TUT4: variants seen among roughly 807,000 people sequenced by gnomAD.
TUT4 encodes the protein terminal uridylyltransferase 4.
TUT4 carries 36 observed loss-of-function variants against 192.2 expected under a neutral mutation model. The ratio of observed to expected loss-of-function variants is 0.19; its 90% CI spans 0.14 to 0.25. The LOEUF (loss-of-function observed/expected upper bound fraction) is 0.25. TUT4 is among the 10% of genes least tolerant of loss of function. The pLI, the probability that TUT4 is intolerant of heterozygous loss-of-function variation, is 1.00. For missense variants in TUT4, 1,493 were observed against 1,957.2 expected (o/e 0.76, Z 4.47); for synonymous variants, 618 against 666.0 (o/e 0.93, Z 1.11).
intron 4 of TUT4, among the ~76,000 whole-genome samples, chr1:52,500,491 G>T (rs959398226): frequency 6.6e-6 from 1 of 152,074 alleles, no homozygotes. Context: ...GGCCAGGCAC[G>T]GTGGCTCACG....
rs1491240459 is a variant in TUT4, at chr1:52,498,901, ATT to A, written c.1000-1720_1000-1719del. Among the ~76,000 whole-genome samples the A allele has an allele frequency of 1.3e-3, 94 of 73,310 alleles. 3 individuals carry two copies. Among genetic ancestry groups the A allele is most frequent in the African/African-American group, 4.3e-3 (76 of 17,784 alleles). 48.1% of individuals were successfully genotyped at this position (73,310 alleles called of 152,430 possible). ...GACTCCATTACAAAAAAAAAAAAAA[ATT>A]ATATATATATATATATATATATATA... On this transcript the variant is annotated intron_variant, in intron 4 of 29. Transcript: ENST00000257177.
intron 4 of TUT4, among the ~76,000 whole-genome samples, chr1:52,505,991 G>C (rs1675446444): frequency 3.3e-5 from 5 of 151,294 alleles, no homozygotes; most frequent in Admixed American, 2.6e-4. Flanking sequence ...GCTAATTTTT[G>C]TATTTTTAGT....
intron 5 of TUT4, among the ~76,000 whole-genome samples, 189 bp downstream of exon 5, chr1:52,496,817 T>C (rs780284433): frequency 2.6e-5 from 4 of 152,162 alleles, no homozygotes; most frequent in Non-Finnish European, 4.4e-5. Context: ...AGTACAAAAG[T>C]GTGCTGTGCC....
intron 1 of TUT4, among the ~76,000 whole-genome samples, chr1:52,529,186 A>T (rs76111134): frequency 0.041 from 6,186 of 152,206 alleles, 425 homozygotes; most frequent in African/African-American, 0.14. Flanking sequence ...AAGTATATTT[A>T]AAAATTTTTT....
intron 20 of TUT4, among the ~76,000 whole-genome samples, chr1:52,447,082 T>G (rs1282130749): frequency 6.6e-6 from 1 of 152,208 alleles, no homozygotes; most frequent in Non-Finnish European, 1.5e-5. Context: ...AGAACTGTTT[T>G]GGGACCTAGT....
intron 1 of TUT4, among the ~76,000 whole-genome samples, chr1:52,538,274 TAAAG>T (rs1685506635): frequency 6.6e-6 from 1 of 151,938 alleles, no homozygotes; most frequent in Non-Finnish European, 1.5e-5. Flanking sequence ...AACAGATATA[TAAAG>T]ACTCTATCCA....
intron 28 of TUT4, among the ~76,000 whole-genome samples, chr1:52,425,755 A>T (rs1649679780): frequency 6.6e-6 from 1 of 152,068 alleles, no homozygotes; most frequent in African/African-American, 2.4e-5. Flanking sequence ...GAACAGGCAA[A>T]ATGTTCTGAA....
intron 3 of TUT4, among the ~76,000 whole-genome samples, chr1:52,512,690 A>C (rs759303033): frequency 6.6e-6 from 1 of 152,242 alleles, no homozygotes; most frequent in Non-Finnish European, 1.5e-5. Flanking sequence ...CAACTAGTAA[A>C]TCTTTACCTT....
rs117584444 is a variant in TUT4, at chr1:52,536,440, C to A, written c.-93-10067G>T. Among the ~76,000 whole-genome samples the A allele has an allele frequency of 2.0e-5, 3 of 152,180 alleles. No individual in the cohort carries two copies. In the East Asian group the frequency reaches 5.8e-4, roughly 29 times the overall value. On this transcript the variant is annotated intron_variant, in intron 1 of 29. Transcript: ENST00000257177. ...AAAATCAACTAAATACATAAAAAGG[C>A]AGCATTAGAGGAACAAAAGGCATAA...
intron 4 of TUT4, among the ~76,000 whole-genome samples, chr1:52,506,669 T>G (rs1336300865): frequency 6.6e-6 from 1 of 152,230 alleles, no homozygotes; most frequent in East Asian, 1.9e-4. Context: ...ATCTTTTTTA[T>G]ATTTTCCATG....
At chr1:52,528,208 T>C (rs1188460230) in intron 1 of TUT4, among the ~76,000 whole-genome samples, 4 of 147,434 alleles carry the variant, frequency 2.7e-5, no homozygotes, top group Non-Finnish European at 4.5e-5. Flanking sequence ...ATAATAATAA[T>C]GTCAAGGCCA....
chr1:52,448,917 G>A (rs1373358603), intron 20 of TUT4, among the ~76,000 whole-genome samples: 3 of 152,074 alleles, frequency 2.0e-5, no homozygotes, highest in African/African-American at 7.2e-5. Flanking sequence ...GCCCAACTAC[G>A]TTGGCTGATA....
intron 13 of TUT4, 136 bp from the exon 14 acceptor site, chr1:52,472,238 A>T: frequency 9.9e-6 from 9 of 909,028 alleles, no homozygotes; most frequent in Non-Finnish European, 1.4e-5. Context: ...TAAAAAAAAA[A>T]ACATGTTGTT....
intron 16 of TUT4, among the ~76,000 whole-genome samples, chr1:52,464,487 C>T (rs1156864945): frequency 6.6e-6 from 1 of 152,136 alleles, no homozygotes; most frequent in African/African-American, 2.4e-5. Context: ...ATCTCTTGAC[C>T]TCATGATCCG....
chr1:52,451,359 C>A (rs1659376673), intron 20 of TUT4, among the ~76,000 whole-genome samples: 1 of 151,958 alleles, frequency 6.6e-6, no homozygotes, highest in Non-Finnish European at 1.5e-5. Flanking sequence ...TAAATATCAT[C>A]CAGTGAACAA....
chr1:52,426,011 A>G (rs1202673346), intron 28 of TUT4, among the ~76,000 whole-genome samples: 2 of 152,180 alleles, frequency 1.3e-5, no homozygotes, highest in African/African-American at 2.4e-5. Context: ...AAGGCGGGAC[A>G]GGTAGGTGGG....
At chr1:52,519,818 T>A (rs927003476) in intron 2 of TUT4, among the ~76,000 whole-genome samples, 1 of 152,104 alleles carries the variant, frequency 6.6e-6, no homozygotes, top group African/African-American at 2.4e-5. Context: ...CTTGAATACT[T>A]AGATTTTTTA....
intron 1 of TUT4, among the ~76,000 whole-genome samples, chr1:52,547,228 G>A (rs1035976865): frequency 6.7e-6 from 1 of 150,274 alleles, no homozygotes; most frequent in Non-Finnish European, 1.5e-5. Context: ...TTTAAAAACG[G>A]GTAAAGGATT....
At chr1:52,547,278 A>G (rs761149942) in intron 1 of TUT4, among the ~76,000 whole-genome samples, 2 of 151,690 alleles carry the variant, frequency 1.3e-5, no homozygotes, top group Non-Finnish European at 2.9e-5. Flanking sequence ...CAAATGCACA[A>G]CAGGCACATG....
Sources: gnomAD v4.1 joint callset for allele counts (sites outside exome capture counted in the v4.1 genomes callset) on GRCh38, gnomAD v4.1.1 for gene constraint, MANE v1.5 for transcripts, NCBI Gene and HGNC (gene_info 2026-07-23, HGNC 2026-07-21) for gene names.